UNC13A: variants seen among roughly 807,000 people sequenced by gnomAD.
UNC13A encodes the protein protein unc-13 homolog A.
In UNC13A, 61 loss-of-function variants were observed where a neutral mutation model predicts 219.7. The observed-to-expected ratio is 0.28, with a 90% CI of 0.23 to 0.34. The LOEUF is 0.34. Ranked by LOEUF, UNC13A falls within the 10% of genes least tolerant of loss-of-function variation. The pLI is 1.00. For synonymous variants in UNC13A, 920 were observed against 884.6 expected, an observed-to-expected ratio of 1.04 and a Z score of -0.71; for missense variants, 1,476 against 2,270.3, an observed-to-expected ratio of 0.65 and a Z score of 7.11.
At chr19:17,666,408 T>G (rs1946544466) in intron 7 of UNC13A, among the ~76,000 whole-genome samples, 1 of 151,796 alleles carries the variant, frequency 6.6e-6, no homozygotes, top group Non-Finnish European at 1.5e-5. Context: ...AGAGATGGGG[T>G]TTTGCCCTGT....
At chr19:17,686,141 C>T (rs1300310434) in intron 1 of UNC13A, among the ~76,000 whole-genome samples, 1 of 151,878 alleles carries the variant, frequency 6.6e-6, no homozygotes, top group Non-Finnish European at 1.5e-5. Context: ...TCCACTCAGC[C>T]GGGCCCCTCC....
chr19:17,652,674 G>C lies in UNC13A; in HGVS notation c.1396C>G (p.Arg466Gly), dbSNP rs1382100826. ...NKVRMQLQEA[R>G]GEGEMSKSLW... ...GATTTAGACATCTCTCCTTCTCCCC[G>C]GGCCTGCAGGACAGACAGACAGATA... Residue 466 changes from arginine to glycine, a missense_variant, in exon 12 of 44, where the codon CGG (arginine) becomes GGG (glycine). By Grantham distance (125) the Arg-to-Gly change is moderately radical (BLOSUM62 -2). Transcript: ENST00000519716. 1.2e-6 allele frequency: 2 copies of C among 1,613,516 alleles called. No homozygotes were observed. Among genetic ancestry groups the C allele is most frequent in the Non-Finnish European group, 1.7e-6 (2 of 1,179,698 alleles).
Position 17,639,143 on chromosome 19 carries a change from G to C in UNC13A, c.3021C>G (p.Thr1007=), listed in dbSNP as rs2076941425. 6.2e-7 allele frequency: 1 copy of C among 1,613,762 alleles called. No homozygotes were observed. Among genetic ancestry groups the C allele is most frequent in the Non-Finnish European group, 8.5e-7 (1 of 1,179,890 alleles). ...GGCAGTTATTGAAGATGTACTCGTA[G>C]GTAGAATTAAGGCAGGCTTTCACAC... is the stretch of plus-strand genomic sequence containing the variant. ...KDCVKACLNS[T]YEYIFNNCHE... is the part of the protein sequence containing the mutation. Residue 1007 remains threonine, a synonymous_variant, in exon 25 of 44, where the codon ACC becomes ACG. Transcript: ENST00000519716.
Position 17,656,272 on chromosome 19 carries a change from C to G in UNC13A, c.894G>C (p.Arg298=), listed in dbSNP as rs1243291944. ...AGCTGTGGCAGGAGTGGTAGGAGTC[C>G]CGGTCCCGCTCATCCTCCATGTCGG... ...QGSDMEDERD[R]DSYHSCHSSV... The change falls in exon 10 of 44, where the codon CGG becomes CGC. Residue 298 remains arginine (R), a synonymous_variant. Coordinates refer to ENST00000519716, the MANE Select transcript of UNC13A (RefSeq NM_001080421.3). 1 of 1,551,892 alleles carries G rather than the reference C, an allele frequency of 6.4e-7. No individual in the cohort carries two copies. The highest frequency in any genetic ancestry group is 2.0e-5 in the Admixed American group (1 of 50,996).
At position 17,652,650 on chromosome 19, in the gene UNC13A, AT is replaced by A; in HGVS notation, c.1419del (p.Lys473AsnfsTer31). On this transcript the variant is annotated frameshift_variant, in exon 12 of 44. Coordinates refer to ENST00000519716, the MANE Select transcript of UNC13A (RefSeq NM_001080421.3). LOFTEE classifies it high-confidence loss of function. ...QEARGEGEMS[K>X]SLWFKGGPGG... is the part of the protein sequence containing the mutation. ...ACTTACCCGCCTTTGAACCATAGGGATTTAGACATCTCTCCTTCTCCCCGGG... is the reference window on the plus strand; with the variant it reads ...ACTTACCCGCCTTTGAACCATAGGGATTAGACATCTCTCCTTCTCCCCGGG... 1.2e-6 allele frequency: 2 copies of A among 1,613,570 alleles called. No homozygotes were observed. Among genetic ancestry groups the A allele is most frequent in the Non-Finnish European group, 1.7e-6 (2 of 1,179,736 alleles).
intron 34 of UNC13A, 143 bp from the exon 35 acceptor site, chr19:17,625,095 G>T: frequency 1.6e-6 from 2 of 1,289,896 alleles, no homozygotes; most frequent in Non-Finnish European, 1.0e-6. Flanking sequence ...GTTTGATGGG[G>T]CTATGATATC....
At chr19:17,671,589 G>T (rs2079789342) in intron 4 of UNC13A, among the ~76,000 whole-genome samples, 1 of 151,698 alleles carries the variant, frequency 6.6e-6, no homozygotes, top group South Asian at 2.1e-4. Flanking sequence ...TGGGCAACAT[G>T]GCAAAACCCT....
Position 17,639,233 on chromosome 19 carries a change from G to A in UNC13A, c.2947-16C>T. The A allele has an allele frequency of 6.2e-7, 1 of 1,613,628 alleles. No individual in the cohort carries two copies. The highest frequency in any genetic ancestry group is 8.5e-7 in the Non-Finnish European group (1 of 1,179,766). ...GTTCTTGTACCTGAAGGGAGGGAGA[G>A]AGGCATAGGCGGCCACAGCTGTGAC... is the stretch of plus-strand genomic sequence containing the variant. On this transcript the variant is annotated splice_polypyrimidine_tract_variant and intron_variant, in intron 24 of 43. Coordinates refer to ENST00000519716, the MANE Select transcript of UNC13A (RefSeq NM_001080421.3).
At chr19:17,623,583 G>T (rs1188659001) in intron 35 of UNC13A, 36 bp from the exon 36 acceptor site, 8 of 1,099,406 alleles carry the variant, frequency 7.3e-6, no homozygotes, top group African/African-American at 3.3e-5. Flanking sequence ...GGTGGGGGAG[G>T]GGGGAATAAG....
At chr19:17,680,889 C>CTTT (rs375785182) in intron 1 of UNC13A, among the ~76,000 whole-genome samples, 1,050 of 48,660 alleles carry the variant, frequency 0.022, 200 homozygotes, top group Middle Eastern at 0.042. Flanking sequence ...CTTTTCTTTT[C>CTTT]TTTTTTTTTT....
Position 17,676,032 on chromosome 19 carries a change from G to A in UNC13A, c.32C>T (p.Ala11Val). The change falls in exon 2 of 44, where the codon GCC becomes GTC. Residue 11 changes from alanine (A) to valine (V), a missense_variant. Coordinates refer to ENST00000519716, the MANE Select transcript of UNC13A (RefSeq NM_001080421.3). MSLLCVGVKK[A>V]KFDGAQEKFN... is the part of the protein sequence containing the mutation. Reference sequence around the variant, plus strand: ...CTTACCTTGGGCACCATCAAACTTGGCTTTTTTGACTGTGGAGAGAGACAG... The same window carrying A: ...CTTACCTTGGGCACCATCAAACTTGACTTTTTTGACTGTGGAGAGAGACAG... The A allele has an allele frequency of 6.4e-7, 1 of 1,551,666 alleles. No individual in the cohort carries two copies. The highest frequency in any genetic ancestry group is 8.7e-7 in the Non-Finnish European group (1 of 1,146,992).
At chr19:17,629,428 A>G in intron 30 of UNC13A, 105 bp from the exon 31 acceptor site, 2 of 1,018,334 alleles carry the variant, frequency 2.0e-6, no homozygotes, top group Non-Finnish European at 2.9e-6. Context: ...CCCAAACCCT[A>G]TTAGGACCTA....
intron 3 of UNC13A, among the ~76,000 whole-genome samples, chr19:17,673,374 G>GTA (rs903704075): frequency 2.9e-4 from 32 of 110,546 alleles, no homozygotes; most frequent in African/African-American, 4.3e-4. Context: ...AAAAAAAAAA[G>GTA]TATATATATA....
chr19:17,677,960 T>C (rs572707846), intron 1 of UNC13A, among the ~76,000 whole-genome samples: 1 of 152,328 alleles, frequency 6.6e-6, no homozygotes, highest in South Asian at 2.1e-4. Flanking sequence ...CCTTCATGTT[T>C]TTTCAGTATG....
rs2079450704 is a variant in UNC13A at position 17,656,228 on chromosome 19, T to C, written c.938A>G (p.Asp313Gly). The change falls in exon 10 of 44, where the codon GAC becomes GGC. Residue 313 changes from aspartate to glycine, a missense_variant. Physicochemically the swap from Asp to Gly is moderately conservative, Grantham distance 94. Transcript: ENST00000519716. ...SCHSSVSYHK[D>G]SPRWDQDEEE... is the part of the protein sequence containing the mutation. ...CTCATCCTGGTCCCAGCGAGGCGAG[T>C]CTTTGTGGTAGCTGACCGAGCTGTG... 2 of 1,551,794 alleles carry C rather than the reference T, an allele frequency of 1.3e-6. No individual in the cohort carries two copies. The highest frequency in any genetic ancestry group is 3.9e-5 in the Admixed American group (2 of 50,954).
At chr19:17,667,534 C>T (rs1040956616) in intron 6 of UNC13A, among the ~76,000 whole-genome samples, 12 of 151,892 alleles carry the variant, frequency 7.9e-5, no homozygotes, top group East Asian at 5.8e-4. Context: ...AGTGCAGCAG[C>T]GTGATCTCGG....
At chr19:17,658,335 C>G in intron 8 of UNC13A, 66 bp from the exon 9 acceptor site, 1 of 1,488,966 alleles carries the variant, frequency 6.7e-7, no homozygotes, top group Non-Finnish European at 9.2e-7. Flanking sequence ...GGAGCCAATA[C>G]AATTTCCCAG....
intron 43 of UNC13A, among the ~76,000 whole-genome samples, chr19:17,607,463 G>T (rs940466223): frequency 6.8e-5 from 9 of 132,178 alleles, no homozygotes; most frequent in South Asian, 2.6e-4. Flanking sequence ...GGGGTGGCGG[G>T]GGGGGGGGTC....
intron 28 of UNC13A, among the ~76,000 whole-genome samples, chr19:17,631,387 A>ATT (rs967026142): frequency 6.9e-6 from 1 of 145,034 alleles, no homozygotes; most frequent in Non-Finnish European, 1.5e-5. Context: ...TGCCCGGCTA[A>ATT]TTTTTTTTTT....
Sources: gnomAD v4.1 joint callset for allele counts (sites outside exome capture counted in the v4.1 genomes callset) on GRCh38, gnomAD v4.1.1 for gene constraint, MANE v1.5 for transcripts, NCBI Gene and HGNC (gene_info 2026-07-23, HGNC 2026-07-21) for gene names.